Variants in MCAT observed in about 807,000 individuals in gnomAD.
MCAT encodes the protein malonyl-CoA-acyl carrier protein transacylase, also known as malonyl-CoA-acyl carrier protein transacylase, mitochondrial.
Under a neutral mutation model 22.9 loss-of-function variants are expected in MCAT, and 22 were observed. The ratio of observed to expected loss-of-function variants is 0.96; its 90% confidence interval spans 0.69 to 1.37. MCAT has a LOEUF of 1.37. Among genes scored for constraint, MCAT ranks in the 40% most tolerant of loss-of-function variants. MCAT has a pLI of 0.00. For synonymous variants in MCAT, 240 were observed against 233.9 expected (o/e 1.03, Z -0.24); for missense variants, 534 against 533.6 (o/e 1.00, Z -0.01).
intron 2 of MCAT, among the ~76,000 whole-genome samples, chr22:43,140,132 A>G (rs1930728081): frequency 6.6e-6 from 1 of 151,828 alleles, no homozygotes; most frequent in Non-Finnish European, 1.5e-5. Context: ...GGCACTCTCC[A>G]TTTCTCCCTC....
rs772738917 is a variant in MCAT at position 43,142,908 on chromosome 22, C to CGGGGCCT, written c.423+11_423+17dup. ...AGAGCTCACCTTCCCCCTCCTGTCA[C>CGGGGCCT]GGGGCCTCGGGCCTCACCGAGGGCT... On this transcript the variant is annotated intron_variant, in intron 1 of 3. Transcript: ENST00000290429. 1.7e-5 allele frequency: 26 copies of CGGGGCCT among 1,504,814 alleles called. No individual in the cohort carries two copies. 93.2% of individuals were successfully genotyped at this position (1,504,814 alleles called of 1,614,324 possible).
chr22:43,136,958 A>G (rs1930629480), intron 3 of MCAT, 123 bp downstream of exon 3: 1 of 836,544 alleles, frequency 1.2e-6, no homozygotes, highest in South Asian at 1.5e-5. Flanking sequence ...CCTGGCCCCA[A>G]AATACTTCCT....
chr22:43,135,503 C>CAAAAAAA (rs1270132344), intron 3 of MCAT, among the ~76,000 whole-genome samples: 3 of 33,124 alleles, frequency 9.1e-5, no homozygotes, highest in African/African-American at 2.8e-4. Context: ...GACATTGTCT[C>CAAAAAAA]AAAAAACAAA....
At chr22:43,136,698 C>G (rs547061128) in intron 3 of MCAT, among the ~76,000 whole-genome samples, 174 of 152,286 alleles carry the variant, frequency 1.1e-3, no homozygotes, top group African/African-American at 4.1e-3. Flanking sequence ...AAAACAGACA[C>G]CTAAAAAAAG....
chr22:43,141,246 T>A lies in MCAT; in HGVS notation c.427A>T (p.Ile143Phe). The A allele has an allele frequency of 3.1e-6, 5 of 1,613,846 alleles. No homozygotes were observed. Among genetic ancestry groups the A allele is most frequent in the Non-Finnish European group, 4.2e-6 (5 of 1,179,808 alleles). ...CCAGCAGCAGCAACACAGTTCTCAA[T>A]CACCTGTGGGGACAGATGCAGAACG... is the stretch of plus-strand genomic sequence containing the variant. ...EKLHHLQPSV[I>F]ENCVAAAGFS... The change falls in exon 2 of 4, where the codon ATT becomes TTT. Residue 143 changes from isoleucine to phenylalanine, a missense_variant. Physicochemically the swap from Ile to Phe is conservative, Grantham distance 21. Transcript: ENST00000290429.
At position 43,132,935 on chromosome 22, in the gene MCAT, T is replaced by G; in HGVS notation, c.*108A>C. ...TCAAAGCACGTTGCAAACAAATCCC[T>G]TTCACTCCTCAGAGGAGGAGCCATT... On this transcript the variant is annotated 3_prime_UTR_variant, in exon 4 of 4. Coordinates refer to ENST00000290429, the MANE Select transcript of MCAT (RefSeq NM_173467.5). 9.7e-7 allele frequency: 1 copy of G among 1,033,734 alleles called. No homozygotes were observed. The highest frequency in any genetic ancestry group is 2.4e-5 in the Admixed American group (1 of 41,850). The allele number at this position is 1,033,734 out of a possible 1,614,324, so 64.0% of individuals were successfully genotyped here. A position where few individuals can be genotyped will look rare whatever the true frequency, so the allele number is the denominator to read the frequency against.
At position 43,137,202 on chromosome 22, in the gene MCAT, T is replaced by G. The variant is rs148085512; in HGVS notation, c.608A>C (p.Lys203Thr). ...MLSVLGQPQS[K>T]FNFACLEARE... ...GGCTTCCAAACAGGCGAAGTTGAAC[T>G]TGGACTGAGGCTGGCCGAGGACAGA... Residue 203 changes from lysine to threonine, a missense_variant, in exon 3 of 4, where the codon AAG becomes ACG. Coordinates refer to ENST00000290429, the MANE Select transcript of MCAT (RefSeq NM_173467.5). The G allele has an allele frequency of 6.2e-7, 1 of 1,614,174 alleles. No homozygotes were observed. The highest frequency in any genetic ancestry group is 8.5e-7 in the Non-Finnish European group (1 of 1,180,040).
intron 3 of MCAT, among the ~76,000 whole-genome samples, chr22:43,134,875 C>G: frequency 6.6e-6 from 1 of 152,308 alleles, no homozygotes; most frequent in South Asian, 2.1e-4. Context: ...CCAAGCCCCT[C>G]CCTCCACACC....
intron 1 of MCAT, among the ~76,000 whole-genome samples, chr22:43,142,127 T>C (rs12152185): frequency 0.022 from 3,331 of 152,268 alleles, 72 homozygotes; most frequent in Non-Finnish European, 0.029. Flanking sequence ...GAAGGTGAAA[T>C]AGGGTAAAGG....
rs115760501 is a variant in MCAT, at chr22:43,133,659, C to A, written c.730-173G>T. Among the ~76,000 whole-genome samples the A allele has an allele frequency of 4.3e-3, 651 of 152,242 alleles. 7 individuals are homozygous for A. Among genetic ancestry groups the A allele is most frequent in the African/African-American group, 0.015 (617 of 41,548 alleles). ...ATCCCCAGGCAATTCACTTAACATCCTGGAATCTCTTCTGTCCCAGCCTTC... is the reference window on the plus strand; with the variant it reads ...ATCCCCAGGCAATTCACTTAACATCATGGAATCTCTTCTGTCCCAGCCTTC... On this transcript the variant is annotated intron_variant, in intron 3 of 3. Coordinates refer to ENST00000290429, the MANE Select transcript of MCAT (RefSeq NM_173467.5).
rs968912438 is a variant in MCAT, at chr22:43,141,250, C to T, written c.424-1G>A. ...CAGCAGCAACACAGTTCTCAATCACCTGTGGGGACAGATGCAGAACGTGAG... is the reference window on the plus strand; with the variant it reads ...CAGCAGCAACACAGTTCTCAATCACTTGTGGGGACAGATGCAGAACGTGAG... On this transcript the variant is annotated splice_acceptor_variant, in intron 1 of 3. Transcript: ENST00000290429. LOFTEE classifies it high-confidence loss of function. 6 of 1,613,604 alleles carry T rather than the reference C, an allele frequency of 3.7e-6. No individual in the cohort carries two copies. Among genetic ancestry groups the T allele is most frequent in the Admixed American group, 1.7e-5 (1 of 60,026 alleles).
intron 1 of MCAT, 102 bp from the exon 2 acceptor site, chr22:43,141,351 C>A: frequency 1.1e-6 from 1 of 941,530 alleles, no homozygotes; most frequent in South Asian, 1.3e-5. Flanking sequence ...TCTCAGTGAG[C>A]CAGGTTCTAC....
intron 3 of MCAT, 29 bp downstream of exon 3, chr22:43,137,052 C>T (rs777805157): frequency 5.7e-6 from 9 of 1,592,590 alleles, no homozygotes; most frequent in Admixed American, 1.7e-5. Context: ...CTGGACTGGC[C>T]TATGAAGGCA....
At position 43,132,484 on chromosome 22, in the gene MCAT, T is replaced by G. The variant is rs1013995485; in HGVS notation, c.*559A>C. 6.2e-6 allele frequency: 1 copy of G among 162,066 alleles called. No homozygotes were observed. Among genetic ancestry groups the G allele is most frequent in the Admixed American group, 5.6e-5 (1 of 17,800 alleles). 10.0% of individuals were successfully genotyped at this position (162,066 alleles called of 1,614,324 possible). On this transcript the variant is annotated 3_prime_UTR_variant, in exon 4 of 4. Coordinates refer to ENST00000290429, the MANE Select transcript of MCAT (RefSeq NM_173467.5). The stretch of plus-strand genomic sequence containing the variant: ...TCACTCTCTAGCACACAGCAGGCAA[T>G]ACATATCTCTTGGGTATGTCCATAA...
rs1299671135 is a variant in MCAT at position 43,141,190 on chromosome 22, C to T, written c.483G>A (p.Val161=). 1 of 1,614,128 alleles carries T rather than the reference C, an allele frequency of 6.2e-7. No homozygotes were observed. The highest frequency in any genetic ancestry group is 1.1e-5 in the South Asian group (1 of 91,090). The part of the protein sequence containing the change: ...GFSVGEFAAL[V]FAGAMEFAEG... ...CAGCAAATTCCATGGCTCCGGCAAACACTAGGGCTGCAAACTCTCCCACAC... is the reference window on the plus strand; with the variant it reads ...CAGCAAATTCCATGGCTCCGGCAAATACTAGGGCTGCAAACTCTCCCACAC... Residue 161 remains valine, a synonymous_variant, in exon 2 of 4, where the codon GTG becomes GTA. Transcript: ENST00000290429.
At chr22:43,133,753 T>C (rs1930524551) in intron 3 of MCAT, among the ~76,000 whole-genome samples, 1 of 151,986 alleles carries the variant, frequency 6.6e-6, no homozygotes, top group South Asian at 2.1e-4. Context: ...CATGCAACAG[T>C]GTCTGGTAGA....
rs760670743 is a variant in MCAT, at chr22:43,142,998, G to A, written c.351C>T (p.Thr117=). Residue 117 remains threonine (T), a synonymous_variant, in exon 1 of 4, where the codon ACC becomes ACT. Transcript: ENST00000290429. ...LHGPQETLDR[T]VHCQPAIFVA... The stretch of plus-strand genomic sequence containing the variant: ...CGAAGATCGCGGGCTGACAGTGCAC[G>A]GTGCGGTCCAGGGTCTCCTGCGGCC... 2.6e-5 allele frequency: 41 copies of A among 1,606,240 alleles called. No homozygotes were observed. The highest frequency in any genetic ancestry group is 3.4e-5 in the Non-Finnish European group (40 of 1,177,064).
At chr22:43,138,610 G>A (rs1243146800) in intron 2 of MCAT, among the ~76,000 whole-genome samples, 3 of 152,182 alleles carry the variant, frequency 2.0e-5, no homozygotes, top group Admixed American at 6.5e-5. Flanking sequence ...GGCAGTGTGC[G>A]CCTGTGGTCC....
Position 43,133,014 on chromosome 22 carries a change from G to A in MCAT, c.*29C>T, listed in dbSNP as rs146686454. ...TACAGCCTCTCCTCAGGAGGACAGA[G>A]GGGGTCATCGCATTTGAGCCCCCTG... On this transcript the variant is annotated 3_prime_UTR_variant, in exon 4 of 4. Coordinates refer to ENST00000290429, the MANE Select transcript of MCAT (RefSeq NM_173467.5). 6.2e-7 allele frequency: 1 copy of A among 1,601,254 alleles called. No individual in the cohort carries two copies. Among genetic ancestry groups the A allele is most frequent in the Non-Finnish European group, 8.5e-7 (1 of 1,171,014 alleles).
Sources: allele counts gnomAD v4.1 joint callset (sites outside exome capture counted in the v4.1 genomes callset), GRCh38; gene constraint gnomAD v4.1.1; transcripts MANE v1.5; gene names NCBI Gene and HGNC (gene_info 2026-07-23, HGNC 2026-07-21).